FER1L6: variants seen among roughly 807,000 people sequenced by gnomAD.
FER1L6 encodes fer-1 like family member 6, also known as fer-1-like protein 6.
A neutral mutation model predicts 219.2 loss-of-function variants in FER1L6; 177 were observed. The ratio of observed to expected loss-of-function variants is 0.81; its 90% CI spans 0.71 to 0.91. The LOEUF is 0.91. Among genes scored for constraint, FER1L6 ranks in the 40% least tolerant of loss-of-function variants. The pLI, the probability that FER1L6 is intolerant of heterozygous loss-of-function variation, is 0.00. For synonymous variants in FER1L6, 768 were observed against 824.3 expected (o/e 0.93, Z 1.17); for missense variants, 2,153 against 2,259.9 (o/e 0.95, Z 0.96).
intron 12 of FER1L6, among the ~76,000 whole-genome samples, chr8:124,001,785 A>C (rs922004408): frequency 6.6e-6 from 1 of 152,226 alleles, no homozygotes; most frequent in Non-Finnish European, 1.5e-5. Flanking sequence ...GTGGAGACAC[A>C]AAAATTAGCA....
rs1334545030 is a variant in FER1L6, at chr8:123,887,641, A to T, written c.-8+35456A>T. Among the ~76,000 whole-genome samples, 3 of 152,198 alleles carry T rather than the reference A, an allele frequency of 2.0e-5. 1 individual carries two copies. The highest frequency in any genetic ancestry group is 1.3e-4 in the Admixed American group (2 of 15,270). On this transcript the variant is annotated intron_variant, in intron 1 of 40. Transcript: ENST00000522917. The stretch of plus-strand genomic sequence containing the variant: ...CAGGTTGAACAAGCCCAACTAAGAG[A>T]GGGAAGCACCCTGACTGTTTCAGTA...
intron 18 of FER1L6, among the ~76,000 whole-genome samples, chr8:124,028,751 G>T (rs1183104351): frequency 2.0e-5 from 3 of 152,060 alleles, no homozygotes; most frequent in Non-Finnish European, 2.9e-5. Flanking sequence ...TCCTGCAGTT[G>T]GGAAACAGCT....
chr8:123,894,865 G>A (rs999413090), intron 1 of FER1L6, among the ~76,000 whole-genome samples: 1 of 152,184 alleles, frequency 6.6e-6, no homozygotes, highest in Non-Finnish European at 1.5e-5. Flanking sequence ...GGTAATGATA[G>A]TAATGGAGTA....
rs764463803 is a variant in FER1L6, at chr8:124,091,505, C to T, written c.4474C>T (p.Pro1492Ser). The change falls in exon 34 of 41, where the codon CCC (proline) becomes TCC (serine). Residue 1492 changes from proline to serine, a missense_variant. Transcript: ENST00000522917. ...KLCKDNKLDG[P>S]YFHPGKIQIG... The stretch of plus-strand genomic sequence containing the variant: ...CTGCAAAGACAACAAGCTGGATGGA[C>T]CCTACTTTCACCCTGGGAAAATACA... 11 of 1,613,782 alleles carry T rather than the reference C, an allele frequency of 6.8e-6. No homozygotes were observed. The East Asian group carries it at 2.0e-4, about 29-fold the overall frequency.
intron 1 of FER1L6, among the ~76,000 whole-genome samples, chr8:123,865,218 A>C (rs1816812024): frequency 6.7e-6 from 1 of 148,982 alleles, no homozygotes; most frequent in South Asian, 2.1e-4. Context: ...CCTCAGCTGC[A>C]GGTCTGTTGG....
chr8:123,973,719 T>G (rs980406349), intron 7 of FER1L6, among the ~76,000 whole-genome samples: 16 of 151,830 alleles, frequency 1.1e-4, no homozygotes, highest in African/African-American at 3.6e-4. Flanking sequence ...TTCTGGGGAG[T>G]TTTTTTTCTC....
At chr8:124,119,495 C>T (rs1334682522) in intron 40 of FER1L6, 112 bp from the exon 41 acceptor site, 3 of 712,464 alleles carry the variant, frequency 4.2e-6, no homozygotes, top group African/African-American at 3.6e-5. Flanking sequence ...ATTTTCAGGG[C>T]TCTCCCTATG....
At chr8:123,855,376 T>C (rs1816614527) in intron 1 of FER1L6, among the ~76,000 whole-genome samples, 1 of 152,154 alleles carries the variant, frequency 6.6e-6, no homozygotes, top group Non-Finnish European at 1.5e-5. Context: ...TGTCCTCTGC[T>C]CTGGGCCTTG....
chr8:124,066,671 G>T (rs1820843876), intron 27 of FER1L6, 121 bp downstream of exon 27: 5 of 1,129,816 alleles, frequency 4.4e-6, no homozygotes, highest in Middle Eastern at 2.0e-4. Flanking sequence ...CTACTCAGGT[G>T]TGGTTCTGTT....
At chr8:123,952,367 T>C (rs1814808130) in intron 1 of FER1L6, among the ~76,000 whole-genome samples, 2 of 152,236 alleles carry the variant, frequency 1.3e-5, no homozygotes. Context: ...TGATGCCACC[T>C]GAACAGATGT....
rs148972447 is a variant in FER1L6 at position 123,874,805 on chromosome 8, A to G, written c.-8+22620A>G. On this transcript the variant is annotated intron_variant, in intron 1 of 40. Coordinates refer to ENST00000522917, the MANE Select transcript of FER1L6 (RefSeq NM_001039112.2). ...AAATGTTCCCTCTCTAGTGGATCAA[A>G]TGTATAAACGTGCCATAATATTTTC... Among the ~76,000 whole-genome samples, 693 of 152,248 alleles carry G rather than the reference A, an allele frequency of 4.6e-3. 3 individuals carry two copies. Among genetic ancestry groups the G allele is most frequent in the African/African-American group, 0.016 (655 of 41,550 alleles).
At chr8:123,858,744 A>T (rs1170513615) in intron 1 of FER1L6, among the ~76,000 whole-genome samples, 5 of 152,202 alleles carry the variant, frequency 3.3e-5, no homozygotes, top group African/African-American at 1.2e-4. Context: ...CGGCTTGAGA[A>T]GCAGTGGATC....
chr8:123,855,679 ATATGTG>A (rs1260251611), intron 1 of FER1L6, among the ~76,000 whole-genome samples: 2 of 71,816 alleles, frequency 2.8e-5, no homozygotes, highest in African/African-American at 5.9e-5. Flanking sequence ...AGTGAAAACC[ATATGTG>A]TGTGTGTGTG....
intron 20 of FER1L6, among the ~76,000 whole-genome samples, chr8:124,041,525 T>C (rs1819493923): frequency 6.6e-6 from 1 of 152,056 alleles, no homozygotes; most frequent in Non-Finnish European, 1.5e-5. Flanking sequence ...CTCTGGAGGA[T>C]GAGAGGAACC....
chr8:124,106,464 T>A (rs976477627), intron 39 of FER1L6, among the ~76,000 whole-genome samples: 7 of 151,664 alleles, frequency 4.6e-5, no homozygotes, highest in Non-Finnish European at 1.0e-4. Flanking sequence ...GTTGAGTGAA[T>A]GAGAAGCAGG....
chr8:124,115,345 C>G (rs1823199215), intron 39 of FER1L6, among the ~76,000 whole-genome samples: 1 of 151,948 alleles, frequency 6.6e-6, no homozygotes, highest in Non-Finnish European at 1.5e-5. Context: ...AAGAACGATA[C>G]CCAGAGCAGC....
chr8:124,014,420 C>T (rs1365419274), intron 15 of FER1L6: 2 of 152,836 alleles, frequency 1.3e-5, no homozygotes, highest in Admixed American at 6.5e-5. Flanking sequence ...ATTCCAGTCT[C>T]TTCTCTGTTG....
At chr8:123,953,845 G>A (rs1436730551) in intron 1 of FER1L6, among the ~76,000 whole-genome samples, 2 of 152,186 alleles carry the variant, frequency 1.3e-5, no homozygotes, top group African/African-American at 4.8e-5. Context: ...TCGGGGTTGG[G>A]AAGGTACTAG....
chr8:123,965,573 C>T (rs1006956013), intron 3 of FER1L6, among the ~76,000 whole-genome samples: 3 of 152,158 alleles, frequency 2.0e-5, no homozygotes, highest in African/African-American at 7.2e-5. Flanking sequence ...ATGATTATAT[C>T]TATTAGACAT....
Sources: allele counts gnomAD v4.1 joint callset (sites outside exome capture counted in the v4.1 genomes callset), GRCh38; gene constraint gnomAD v4.1.1; transcripts MANE v1.5; gene names NCBI Gene and HGNC (gene_info 2026-07-23, HGNC 2026-07-21).